The following FMN1 variants were observed in gnomAD, a reference collection of about 807,000 sequenced individuals.
The protein encoded by FMN1 is formin 1, also known as formin-1.
A neutral mutation model predicts 132.4 loss-of-function variants in FMN1; 110 were observed. That is an observed-to-expected ratio of 0.83 (90% CI 0.71 to 0.97). The LOEUF (loss-of-function observed/expected upper bound fraction) is 0.97, where lower values mean the gene tolerates loss of function less well. FMN1 is among the 50% of genes least tolerant of loss of function. The probability of loss-of-function intolerance (pLI) is 0.00; values close to 1 mark genes in which losing one functional copy is unlikely to be tolerated. For synonymous variants in FMN1, 722 were observed against 651.7 expected, an observed-to-expected ratio of 1.11 and a Z score of -1.64; for missense variants, 1,792 against 1,705.3, an observed-to-expected ratio of 1.05 and a Z score of -0.90.
chr15:33,058,256 A>G (rs1310390453), intron 6 of FMN1, among the ~76,000 whole-genome samples: 1 of 152,136 alleles, frequency 6.6e-6, no homozygotes, highest in African/African-American at 2.4e-5. Context: ...AAATTATGAG[A>G]AAGACGACGA....
At chr15:33,091,575 T>C (rs2038904638) in intron 4 of FMN1, among the ~76,000 whole-genome samples, 1 of 152,110 alleles carries the variant, frequency 6.6e-6, no homozygotes, top group Admixed American at 6.5e-5. Flanking sequence ...ATAAGTAACA[T>C]AAAACTGAAA....
At chr15:33,076,866 G>A (rs34476427) in intron 5 of FMN1, among the ~76,000 whole-genome samples, 23,925 of 152,186 alleles carry the variant, frequency 0.16, 1,966 homozygotes, top group Middle Eastern at 0.22. Context: ...TGAAATTAGA[G>A]GTTTACAGAG....
intron 17 of FMN1, among the ~76,000 whole-genome samples, chr15:32,848,415 C>T (rs1464373573): frequency 1.3e-5 from 2 of 152,156 alleles, no homozygotes; most frequent in Non-Finnish European, 2.9e-5. Flanking sequence ...CTTGCATTTT[C>T]TCATTGACTG....
intron 10 of FMN1, among the ~76,000 whole-genome samples, chr15:32,924,567 C>T (rs2060911293): frequency 1.3e-5 from 2 of 152,214 alleles, no homozygotes; most frequent in Admixed American, 1.3e-4. Flanking sequence ...CTAAATTCTA[C>T]TGAAACCATC....
At chr15:33,065,999 T>G (rs1005693006) in intron 5 of FMN1, among the ~76,000 whole-genome samples, 2 of 152,332 alleles carry the variant, frequency 1.3e-5, no homozygotes, top group South Asian at 4.1e-4. Context: ...ATGGCAGAAT[T>G]AGAATAAAAA....
intron 4 of FMN1, among the ~76,000 whole-genome samples, chr15:33,122,302 G>A (rs722150): frequency 0.12 from 18,095 of 152,174 alleles, 3,200 homozygotes; most frequent in African/African-American, 0.39. Flanking sequence ...GTTGTGTTCC[G>A]CAAATTCAAG....
At chr15:32,859,106 T>C (rs1036582685) in intron 16 of FMN1, among the ~76,000 whole-genome samples, 2 of 152,144 alleles carry the variant, frequency 1.3e-5, no homozygotes, top group South Asian at 4.1e-4. Flanking sequence ...TTTGCTGAGA[T>C]AGAGAATAGT....
intron 7 of FMN1, among the ~76,000 whole-genome samples, chr15:32,994,576 TC>T (rs1392915251): frequency 6.6e-6 from 1 of 152,212 alleles, no homozygotes; most frequent in Non-Finnish European, 1.5e-5. Flanking sequence ...AATATCTGTT[TC>T]TCTGAATGGA....
intron 17 of FMN1, among the ~76,000 whole-genome samples, chr15:32,805,491 A>C (rs1030877621): frequency 6.6e-6 from 1 of 151,994 alleles, no homozygotes; most frequent in African/African-American, 2.4e-5. Context: ...GCTGTGCAGA[A>C]GCTCTTTAGT....
intron 10 of FMN1, among the ~76,000 whole-genome samples, chr15:32,923,238 C>CT (rs1489630325): frequency 6.6e-6 from 1 of 152,202 alleles, no homozygotes; most frequent in East Asian, 1.9e-4. Flanking sequence ...ACCATAGCCC[C>CT]TCTCACATTA....
At chr15:32,898,630 T>C (rs988657544) in intron 15 of FMN1, among the ~76,000 whole-genome samples, 1 of 152,208 alleles carries the variant, frequency 6.6e-6, no homozygotes, top group African/African-American at 2.4e-5. Flanking sequence ...TGAGACTCAG[T>C]AGATTTACAC....
intron 17 of FMN1, chr15:32,810,950 G>C: frequency 2.2e-6 from 1 of 456,044 alleles, no homozygotes. Flanking sequence ...TGATGCTAAC[G>C]AGGAAACAAA....
At chr15:33,020,634 G>A (rs1388790342) in intron 6 of FMN1, among the ~76,000 whole-genome samples, 2 of 78,978 alleles carry the variant, frequency 2.5e-5, no homozygotes, top group Admixed American at 1.4e-4. Context: ...GCGAAACTCC[G>A]TCTCAAAAAA....
chr15:32,867,010 T>C (rs2059407463), intron 16 of FMN1, among the ~76,000 whole-genome samples: 1 of 152,184 alleles, frequency 6.6e-6, no homozygotes, highest in Admixed American at 6.5e-5. Flanking sequence ...GTCTAGACAA[T>C]GTCATCCAGG....
chr15:32,842,208 G>C (rs1488487443), intron 17 of FMN1, among the ~76,000 whole-genome samples: 2 of 152,176 alleles, frequency 1.3e-5, no homozygotes, highest in African/African-American at 4.8e-5. Flanking sequence ...AACTATGTAA[G>C]AAGGCTAACT....
At chr15:32,854,669 T>A (rs906036224) in intron 17 of FMN1, among the ~76,000 whole-genome samples, 1 of 152,076 alleles carries the variant, frequency 6.6e-6, no homozygotes, top group African/African-American at 2.4e-5. Flanking sequence ...TCCCAGCACT[T>A]TGGGAGGCCG....
chr15:33,059,791 T>C (rs558002171), intron 6 of FMN1, among the ~76,000 whole-genome samples: 5 of 152,322 alleles, frequency 3.3e-5, no homozygotes, highest in African/African-American at 9.6e-5. Flanking sequence ...GTTTTTATAT[T>C]CTAAAAACTG....
At chr15:32,878,755 T>A (rs922474951) in intron 16 of FMN1, among the ~76,000 whole-genome samples, 1 of 152,340 alleles carries the variant, frequency 6.6e-6, no homozygotes, top group East Asian at 1.9e-4. Flanking sequence ...AAGCAAGGAT[T>A]TGAATTCAGG....
chr15:32,778,129 T>C (rs1185003498), intron 19 of FMN1, among the ~76,000 whole-genome samples: 1 of 57,694 alleles, frequency 1.7e-5, no homozygotes, highest in South Asian at 4.0e-4. Flanking sequence ...ACATTTATTA[T>C]ATATTATGTA....
Sources: allele counts gnomAD v4.1 joint callset (sites outside exome capture counted in the v4.1 genomes callset), GRCh38; gene constraint gnomAD v4.1.1; transcripts MANE v1.5; gene names NCBI Gene and HGNC (gene_info 2026-07-23, HGNC 2026-07-21).